RBFOX1: variants seen among roughly 807,000 people sequenced by gnomAD.
The protein encoded by RBFOX1 is RNA binding protein fox-1 homolog 1.
RBFOX1 carries 8 observed loss-of-function variants against 57.7 expected under a neutral mutation model. The observed-to-expected ratio is 0.14, with a 90% CI of 0.08 to 0.25. The LOEUF is 0.25. Among genes scored for constraint, RBFOX1 ranks in the 10% least tolerant of loss-of-function variants. RBFOX1 has a pLI of 1.00. For synonymous variants in RBFOX1, 326 were observed against 222.4 expected (o/e 1.47, Z -4.15); for missense variants, 611 against 548.5 (o/e 1.11, Z -1.14).
chr16:7,152,845 G>T (rs2076357589), intron 4 of RBFOX1, among the ~76,000 whole-genome samples: 1 of 152,170 alleles, frequency 6.6e-6, no homozygotes, highest in Admixed American at 6.5e-5. Flanking sequence ...GTGGCACCGA[G>T]TCTTGCATGA....
chr16:6,648,110 T>C lies in RBFOX1; in HGVS notation c.-63-6493T>C, dbSNP rs112702398. Among the ~76,000 whole-genome samples, 286 of 152,322 alleles carry C rather than the reference T, an allele frequency of 1.9e-3. 2 individuals carry two copies. The highest frequency in any genetic ancestry group is 2.5e-3 in the Non-Finnish European group (171 of 68,012). ...CACCTGCCTTGGCCTCCCAAAGTGC[T>C]GGGATTACAGGCATGAGCCACTGCA... On this transcript the variant is annotated intron_variant, in intron 2 of 15. Coordinates refer to ENST00000550418, the MANE Select transcript of RBFOX1 (RefSeq NM_018723.4).
intron 4 of RBFOX1, among the ~76,000 whole-genome samples, chr16:7,213,929 G>C (rs1048602643): frequency 1.6e-5 from 2 of 128,744 alleles, no homozygotes; most frequent in Non-Finnish European, 3.4e-5. Flanking sequence ...CTCTGAAGTG[G>C]TGGGTTGTTA....
intron 4 of RBFOX1, among the ~76,000 whole-genome samples, chr16:5,887,120 G>C (rs975045731): frequency 6.6e-6 from 1 of 152,120 alleles, no homozygotes; most frequent in Admixed American, 6.5e-5. Flanking sequence ...ATTGGCAAAT[G>C]TCCCGTGGAG....
intron 4 of RBFOX1, among the ~76,000 whole-genome samples, chr16:7,350,269 T>A (rs2097104010): frequency 6.6e-6 from 1 of 151,764 alleles, no homozygotes; most frequent in Non-Finnish European, 1.5e-5. Flanking sequence ...AGTCGTGGGG[T>A]ATGGGAAAGA....
chr16:6,800,610 A>C (rs921893365), intron 3 of RBFOX1, among the ~76,000 whole-genome samples: 2 of 152,172 alleles, frequency 1.3e-5, no homozygotes, highest in African/African-American at 4.8e-5. Flanking sequence ...GAGCAAATTC[A>C]GGATACCAAC....
At chr16:7,548,871 T>C (rs1054081518) in intron 5 of RBFOX1, among the ~76,000 whole-genome samples, 1 of 152,166 alleles carries the variant, frequency 6.6e-6, no homozygotes, top group Non-Finnish European at 1.5e-5. Flanking sequence ...GGGACCCACT[T>C]CATTATGAAT....
intron 1 of RBFOX1, among the ~76,000 whole-genome samples, chr16:5,461,079 C>G (rs540234164): frequency 3.1e-4 from 47 of 152,282 alleles, no homozygotes; most frequent in African/African-American, 1.1e-3. Flanking sequence ...GGGGCTCCTG[C>G]AGTTTTGCAT....
chr16:6,448,779 C>T (rs145257422), intron 2 of RBFOX1, among the ~76,000 whole-genome samples: 3 of 152,108 alleles, frequency 2.0e-5, no homozygotes, highest in Non-Finnish European at 4.4e-5. Flanking sequence ...TTTTTTTGTG[C>T]CTTCAGCCAC....
intron 4 of RBFOX1, among the ~76,000 whole-genome samples, chr16:5,969,849 G>T (rs1263349458): frequency 1.3e-5 from 2 of 151,740 alleles, no homozygotes; most frequent in African/African-American, 4.8e-5. Flanking sequence ...TATCTTCTCA[G>T]TGTGGATGGT....
chr16:6,662,720 C>G (rs551342977), intron 3 of RBFOX1, among the ~76,000 whole-genome samples: 1 of 152,122 alleles, frequency 6.6e-6, no homozygotes, highest in Non-Finnish European at 1.5e-5. Flanking sequence ...CCAAGAGACC[C>G]AGAGCCCCTG....
At chr16:6,539,384 G>C (rs543980487) in intron 2 of RBFOX1, among the ~76,000 whole-genome samples, 1 of 152,188 alleles carries the variant, frequency 6.6e-6, no homozygotes, top group Non-Finnish European at 1.5e-5. Context: ...GTAGCATCTG[G>C]CACACAGCAG....
Position 7,518,270 on chromosome 16 carries a change from G to C in RBFOX1, c.151G>C (p.Glu51Gln). The C allele has an allele frequency of 6.2e-7, 1 of 1,614,106 alleles. No homozygotes were observed. Among genetic ancestry groups the C allele is most frequent in the Non-Finnish European group, 8.5e-7 (1 of 1,180,004 alleles). The change falls in exon 5 of 16, where the codon GAG becomes CAG. Residue 51 changes from glutamate to glutamine, a missense_variant. This residue lies in a region of RBFOX1 where 245 missense variants were observed against 159.1 expected (regional missense o/e 1.54). Coordinates refer to ENST00000550418, the MANE Select transcript of RBFOX1 (RefSeq NM_018723.4). ...YTAPHPHPAP[E>Q]YTGQTTVPEH... Reference sequence around the variant, plus strand: ...GGCCCCTCATCCCCACCCCGCGCCAGAGTACACAGGCCAGACCACGGTTCC... The same window carrying C: ...GGCCCCTCATCCCCACCCCGCGCCACAGTACACAGGCCAGACCACGGTTCC...
At chr16:6,572,379 C>T (rs576992756) in intron 2 of RBFOX1, among the ~76,000 whole-genome samples, 7 of 152,172 alleles carry the variant, frequency 4.6e-5, no homozygotes, top group South Asian at 2.1e-4. Context: ...GGTTGAAGAA[C>T]GTTTTAAATC....
chr16:5,651,040 CTTTTTTTTTTTTTTTT>C lies in RBFOX1; in HGVS notation c.318+52094_318+52109del, dbSNP rs869240597. Among the ~76,000 whole-genome samples, 81 of 56,898 alleles carry C rather than the reference CTTTTTTTTTTTTTTTT, an allele frequency of 1.4e-3. 1 individual carries two copies. Among genetic ancestry groups the C allele is most frequent in the Middle Eastern group, 0.038 (2 of 52 alleles). 37.3% of individuals were successfully genotyped at this position (56,898 alleles called of 152,430 possible). The stretch of plus-strand genomic sequence containing the variant: ...TCCTCTGGGAGAACACTACCTCCTT[CTTTTTTTTTTTTTTTT>C]TTTTTTTTTTTTTTGAGACAGGGTC... On this transcript the variant is annotated intron_variant, in intron 3 of 19. Coordinates refer to the RBFOX1 transcript ENST00000641259.
intron 4 of RBFOX1, among the ~76,000 whole-genome samples, chr16:7,403,562 T>TCCCCC (rs33991020): frequency 2.6e-5 from 3 of 114,666 alleles, no homozygotes; most frequent in Admixed American, 9.9e-5. Context: ...AATGAGAGAA[T>TCCCCC]CCCCCCCCCC....
chr16:6,725,197 C>T (rs2066912655), intron 3 of RBFOX1, among the ~76,000 whole-genome samples: 1 of 151,810 alleles, frequency 6.6e-6, no homozygotes, highest in African/African-American at 2.4e-5. Flanking sequence ...ACTGCAGGCA[C>T]CCGCCACCAT....
In RBFOX1 at chr16:6,521,556, C is replaced by A. The variant is rs145742939; in HGVS notation, c.-63-133047C>A. 3.6e-3 allele frequency among the ~76,000 whole-genome samples: 526 copies of A among 148,082 alleles called. 4 individuals carry two copies. Among genetic ancestry groups the A allele is most frequent in the Non-Finnish European group, 5.6e-3 (382 of 67,782 alleles). ...TTCCTCTCCTCTCCTCTCCTTCCCT[C>A]GCTCTCTTTGTCTTTCTCTCTTTAA... On this transcript the variant is annotated intron_variant, in intron 2 of 15. Transcript: ENST00000550418.
chr16:5,618,565 C>G (rs1172695468), intron 3 of RBFOX1, among the ~76,000 whole-genome samples: 1 of 152,152 alleles, frequency 6.6e-6, no homozygotes, highest in Non-Finnish European at 1.5e-5. Flanking sequence ...TCTCGATCTC[C>G]TGACCCTGTG....
intron 1 of RBFOX1, among the ~76,000 whole-genome samples, chr16:5,329,970 G>A (rs1031428452): frequency 9.7e-5 from 12 of 124,260 alleles, no homozygotes; most frequent in African/African-American, 2.4e-4. Flanking sequence ...GTGACAGAGC[G>A]AGACTCTGTC....
Sources: allele counts gnomAD v4.1 joint callset (sites outside exome capture counted in the v4.1 genomes callset), GRCh38; gene constraint gnomAD v4.1.1; regional missense constraint gnomAD v4.1.1; transcripts MANE v1.5; gene names NCBI Gene and HGNC (gene_info 2026-07-23, HGNC 2026-07-21).